The following ADCY2 variants were observed in gnomAD, a reference collection of about 807,000 sequenced individuals.
ADCY2 encodes the protein adenylate cyclase 2, also known as adenylate cyclase type 2.
Under a neutral mutation model 125.2 loss-of-function variants are expected in ADCY2, and 31 were observed. That is an observed-to-expected ratio of 0.25 (90% CI 0.19 to 0.33). The LOEUF (loss-of-function observed/expected upper bound fraction) is 0.33. Ranked by LOEUF, ADCY2 falls within the 10% of genes least tolerant of loss-of-function variation. The pLI, the probability that ADCY2 is intolerant of heterozygous loss-of-function variation, is 1.00. For missense variants in ADCY2, 904 were observed against 1,418.2 expected (o/e 0.64, Z 5.82); for synonymous variants, 512 against 548.4 (o/e 0.93, Z 0.93).
intron 4 of ADCY2, among the ~76,000 whole-genome samples, chr5:7,661,916 G>T (rs1327300648): frequency 6.6e-6 from 1 of 152,128 alleles, no homozygotes; most frequent in Non-Finnish European, 1.5e-5. Context: ...ATTTCTAATT[G>T]CATGCTTTTC....
chr5:7,485,002 G>T lies in ADCY2; in HGVS notation c.409-35736G>T, dbSNP rs999260401. On this transcript the variant is annotated intron_variant, in intron 2 of 24. Transcript: ENST00000338316. Reference sequence around the variant, plus strand: ...CTGGAGTGGATGACATCAGAAAGGAGGTAAGAGGAGCCAGAGGAGAGTACA... The same window carrying T: ...CTGGAGTGGATGACATCAGAAAGGATGTAAGAGGAGCCAGAGGAGAGTACA... Among the ~76,000 whole-genome samples, 4 of 152,120 alleles carry T rather than the reference G, an allele frequency of 2.6e-5. No individual in the cohort carries two copies. The South Asian group carries it at 8.3e-4, about 32-fold the overall frequency.
At chr5:7,427,721 G>C (rs1348789762) in intron 2 of ADCY2, among the ~76,000 whole-genome samples, 1 of 152,166 alleles carries the variant, frequency 6.6e-6, no homozygotes, top group Non-Finnish European at 1.5e-5. Flanking sequence ...GTTCTAGGGG[G>C]TTAAGCCTTT....
chr5:7,471,394 ATTATTTATACCTCTT>A (rs1742331962), intron 2 of ADCY2, among the ~76,000 whole-genome samples: 3 of 151,838 alleles, frequency 2.0e-5, no homozygotes, highest in African/African-American at 7.2e-5. Context: ...ATTTTGGCTT[ATTATTTATACCTCTT>A]AAAATTTTTG....
chr5:7,645,190 C>G (rs147475819), intron 4 of ADCY2, among the ~76,000 whole-genome samples: 1 of 152,278 alleles, frequency 6.6e-6, no homozygotes, highest in Admixed American at 6.5e-5. Context: ...TTTATAGTCA[C>G]TCAAGGTGCA....
rs147465508 is a variant in ADCY2 at position 7,757,962 on chromosome 5, A to G, written c.2094+376A>G. Among the ~76,000 whole-genome samples, 991 of 152,302 alleles carry G rather than the reference A, an allele frequency of 6.5e-3. 4 individuals are homozygous for G. The highest frequency in any genetic ancestry group is 0.01 in the Non-Finnish European group (689 of 68,014). On this transcript the variant is annotated intron_variant, in intron 16 of 24. Transcript: ENST00000338316. ...CTTCCTTGCTCATGGTGGCCCCTCA[A>G]CAGGCTACAGAAATAACTGCAATGT...
intron 4 of ADCY2, among the ~76,000 whole-genome samples, chr5:7,663,773 G>C (rs2126695893): frequency 6.6e-6 from 1 of 152,252 alleles, no homozygotes; most frequent in South Asian, 2.1e-4. Context: ...TAGCAAGTGG[G>C]GCCCTGAGAT....
intron 4 of ADCY2, among the ~76,000 whole-genome samples, chr5:7,664,702 CT>C (rs1294808940): frequency 2.0e-5 from 3 of 152,180 alleles, no homozygotes; most frequent in Admixed American, 1.3e-4. Flanking sequence ...GAAAAATCAC[CT>C]TCTATAGAGA....
chr5:7,401,548 G>C (rs1437227158), intron 1 of ADCY2, among the ~76,000 whole-genome samples: 1 of 152,180 alleles, frequency 6.6e-6, no homozygotes, highest in Non-Finnish European at 1.5e-5. Flanking sequence ...TTCTCTTCCA[G>C]AGTTAAAGGA....
intron 3 of ADCY2, among the ~76,000 whole-genome samples, chr5:7,532,617 G>A (rs1299964237): frequency 6.6e-6 from 1 of 152,152 alleles, no homozygotes; most frequent in Non-Finnish European, 1.5e-5. Flanking sequence ...TGCGAAGGAA[G>A]TAGCCATTGG....
intron 3 of ADCY2, among the ~76,000 whole-genome samples, chr5:7,564,873 A>G (rs1465580379): frequency 2.6e-5 from 4 of 152,236 alleles, no homozygotes; most frequent in Non-Finnish European, 5.9e-5. Context: ...CTAATGGTAT[A>G]CAAGACTATT....
intron 3 of ADCY2, among the ~76,000 whole-genome samples, chr5:7,521,749 G>A (rs1744453784): frequency 6.6e-6 from 1 of 152,196 alleles, no homozygotes; most frequent in Non-Finnish European, 1.5e-5. Flanking sequence ...GGAAACTTGA[G>A]GTGGAAGTGA....
intron 3 of ADCY2, among the ~76,000 whole-genome samples, chr5:7,564,925 G>A (rs888176490): frequency 7.9e-5 from 12 of 152,182 alleles, no homozygotes; most frequent in African/African-American, 2.2e-4. Flanking sequence ...ACAACAGATC[G>A]TGGTGAATTC....
intron 16 of ADCY2, among the ~76,000 whole-genome samples, chr5:7,760,445 G>A (rs564858928): frequency 6.6e-6 from 1 of 152,308 alleles, no homozygotes; most frequent in African/African-American, 2.4e-5. Flanking sequence ...ACCCTTGGGT[G>A]ACTGACACAT....
At chr5:7,598,742 C>T (rs529482297) in intron 3 of ADCY2, among the ~76,000 whole-genome samples, 2 of 152,232 alleles carry the variant, frequency 1.3e-5, no homozygotes, top group South Asian at 2.1e-4. Context: ...TCCAGTGAAA[C>T]GTGAGCAGCA....
rs770485739 is a variant in ADCY2 at position 7,802,220 on chromosome 5, G to A, written c.2631G>A (p.Glu877=). The A allele has an allele frequency of 4.3e-6, 7 of 1,613,460 alleles. No individual in the cohort carries two copies. In the South Asian group the frequency reaches 5.5e-5, roughly 13 times the overall value. ...HFLARSLKNE[E]LYHQSYDCVC... ...GCTCTTGCTTTTCTCCCAAGCAGGA[G>A]CTATACCACCAGTCCTATGACTGCG... Residue 877 remains glutamate, a splice_region_variant and synonymous_variant, in exon 21 of 25, where the codon GAG becomes GAA. Transcript: ENST00000338316. The surrounding 1 kb of genome is among the most constrained non-coding windows in gnomAD (Gnocchi z 4.6).
intron 14 of ADCY2, among the ~76,000 whole-genome samples, chr5:7,740,199 A>C (rs944194831): frequency 1.3e-5 from 2 of 151,992 alleles, no homozygotes; most frequent in African/African-American, 4.8e-5. Flanking sequence ...GAATAAAGGA[A>C]ATATCAATAA....
intron 2 of ADCY2, among the ~76,000 whole-genome samples, chr5:7,449,950 A>G (rs939151005): frequency 2.6e-5 from 4 of 152,186 alleles, no homozygotes; most frequent in African/African-American, 7.2e-5. Context: ...CCGCAGCCAC[A>G]TTTGACGGTG....
At chr5:7,621,075 T>A (rs1179455766) in intron 3 of ADCY2, among the ~76,000 whole-genome samples, 1 of 152,222 alleles carries the variant, frequency 6.6e-6, no homozygotes, top group Non-Finnish European at 1.5e-5. Context: ...ATCAAAGCCA[T>A]AACAAGGGAT....
At chr5:7,414,173 A>G (rs1356517900) in intron 1 of ADCY2, among the ~76,000 whole-genome samples, 2 of 152,240 alleles carry the variant, frequency 1.3e-5, no homozygotes, top group Non-Finnish European at 2.9e-5. Flanking sequence ...TAAAACATTT[A>G]AAATCCATTT....
Sources: allele counts gnomAD v4.1 joint callset (sites outside exome capture counted in the v4.1 genomes callset), GRCh38; gene constraint gnomAD v4.1.1; non-coding constraint Gnocchi (gnomAD v3.1); transcripts MANE v1.5; gene names NCBI Gene and HGNC (gene_info 2026-07-23, HGNC 2026-07-21).